CYRIB: variants seen among roughly 807,000 people sequenced by gnomAD.
CYRIB encodes CYFIP-related Rac1 interactor B.
Under a neutral mutation model 44.2 loss-of-function variants are expected in CYRIB, and 8 were observed. The observed-to-expected ratio is 0.18, with a 90% CI of 0.11 to 0.33. The LOEUF (loss-of-function observed/expected upper bound fraction) is 0.33, where lower values mean the gene tolerates loss of function less well. CYRIB is among the 10% of genes least tolerant of loss of function. CYRIB has a pLI of 1.00. For synonymous variants in CYRIB, 131 were observed against 127.2 expected, an observed-to-expected ratio of 1.03 and a Z score of -0.20; for missense variants, 185 against 382.8, an observed-to-expected ratio of 0.48 and a Z score of 4.31.
chr8:129,933,581 G>C (rs912331208), intron 1 of CYRIB, among the ~76,000 whole-genome samples: 3 of 152,118 alleles, frequency 2.0e-5, no homozygotes, highest in Non-Finnish European at 4.4e-5. Context: ...ATAATGTATA[G>C]TAAGAACTGA....
rs183617499 is a variant in CYRIB at position 129,892,569 on chromosome 8, A to T, written c.-11+10743T>A. On this transcript the variant is annotated intron_variant, in intron 2 of 11. Coordinates refer to ENST00000519824, the Ensembl canonical transcript of CYRIB. ...TAAATATATGCCAATAGTTTCAATG[A>T]TTACTTCTGGAAATATTTTATTTTA... Among the ~76,000 whole-genome samples the T allele has an allele frequency of 4.5e-4, 69 of 152,112 alleles. No individual in the cohort carries two copies. In the South Asian group the frequency reaches 9.9e-3, roughly 22 times the overall value.
At chr8:129,906,025 C>T (rs1037496132) in intron 1 of CYRIB, among the ~76,000 whole-genome samples, 15 of 152,006 alleles carry the variant, frequency 9.9e-5, no homozygotes, top group African/African-American at 3.4e-4. Context: ...GGCCATACTG[C>T]CCAAGGTAAT....
chr8:129,864,729 T>C (rs1042657183), intron 4 of CYRIB: 1 of 333,564 alleles, frequency 3.0e-6, no homozygotes, highest in Non-Finnish European at 5.8e-6. Context: ...GGTGGTAATC[T>C]GCTGAAGTTT....
At chr8:129,845,101 T>C (rs924246598) in intron 11 of CYRIB, among the ~76,000 whole-genome samples, 5 of 152,150 alleles carry the variant, frequency 3.3e-5, no homozygotes, top group African/African-American at 9.7e-5. Flanking sequence ...GTGGGAGACT[T>C]CAACCCTGTC....
chr8:130,006,031 G>A (rs183572519), intron 1 of CYRIB, among the ~76,000 whole-genome samples: 34 of 152,108 alleles, frequency 2.2e-4, no homozygotes, highest in Admixed American at 1.1e-3. Context: ...GGCTGGGCGC[G>A]GTAGCTCATG....
intron 8 of CYRIB, 179 bp from the exon 11 acceptor site, chr8:129,851,093 T>C (rs1315439504): frequency 5.2e-6 from 3 of 577,108 alleles, no homozygotes; most frequent in East Asian, 2.9e-5. Flanking sequence ...GATACAGCTA[T>C]GAGCAAGACA....
At position 129,872,539 on chromosome 8, in the gene CYRIB, A is replaced by C. The variant is rs114217330; in HGVS notation, c.74-1043T>G. Among the ~76,000 whole-genome samples the C allele has an allele frequency of 8.3e-3, 1,257 of 152,230 alleles. 20 individuals are homozygous for C. Among genetic ancestry groups the C allele is most frequent in the African/African-American group, 0.029 (1,212 of 41,574 alleles). ...GGAAAAAGGTGGACTCTAAGAGGAA[A>C]TGAAGGTTTCTTTACAAATCTTTCC... On this transcript the variant is annotated intron_variant, in intron 3 of 11. Transcript: ENST00000519824.
chr8:129,867,508 G>C (rs551532089), intron 4 of CYRIB, among the ~76,000 whole-genome samples: 1 of 151,552 alleles, frequency 6.6e-6, no homozygotes, highest in African/African-American at 2.4e-5. Flanking sequence ...TTTCCCTCTA[G>C]GTGGTTAATC....
chr8:129,873,462 T>C (rs905517784), intron 3 of CYRIB, among the ~76,000 whole-genome samples: 2 of 152,010 alleles, frequency 1.3e-5, no homozygotes, highest in African/African-American at 4.8e-5. Flanking sequence ...TTCATAACTT[T>C]TATACTTACA....
intron 1 of CYRIB, among the ~76,000 whole-genome samples, chr8:129,923,066 T>TAA (rs771693266): frequency 0.011 from 1,008 of 92,458 alleles, 13 homozygotes; most frequent in African/African-American, 0.037. Flanking sequence ...CCGTCTCTAC[T>TAA]AAAAAAAAAA....
upstream of CYRIB, among the ~76,000 whole-genome samples, chr8:129,943,630 G>C (rs1232553488): frequency 2.0e-5 from 2 of 101,928 alleles, no homozygotes; most frequent in Non-Finnish European, 3.6e-5. Flanking sequence ...CAGGAGTCTC[G>C]CTCTGTGGCC....
chr8:129,891,911 A>C (rs2065595292), intron 2 of CYRIB, among the ~76,000 whole-genome samples: 1 of 152,218 alleles, frequency 6.6e-6, no homozygotes, highest in South Asian at 2.1e-4. Context: ...GGATATAATA[A>C]ATTAGGAGAC....
intron 2 of CYRIB, among the ~76,000 whole-genome samples, chr8:129,954,114 G>A (rs2094653257): frequency 6.6e-6 from 1 of 152,160 alleles, no homozygotes; most frequent in Admixed American, 6.5e-5. Flanking sequence ...GTAATACACA[G>A]AAGAGGGCAA....
chr8:129,963,712 T>A (rs989963032), intron 2 of CYRIB, among the ~76,000 whole-genome samples: 3 of 152,222 alleles, frequency 2.0e-5, no homozygotes, highest in East Asian at 3.8e-4. Flanking sequence ...GCGATGATAC[T>A]TAAAGCTCTT....
chr8:129,889,713 G>A (rs1237309234), intron 2 of CYRIB, among the ~76,000 whole-genome samples: 1 of 152,140 alleles, frequency 6.6e-6, no homozygotes, highest in Non-Finnish European at 1.5e-5. Flanking sequence ...TTTAAGATGT[G>A]ACTGAATAGC....
chr8:129,960,962 A>AAAAG (rs567122078), intron 2 of CYRIB, among the ~76,000 whole-genome samples: 5,464 of 149,692 alleles, frequency 0.037, 139 homozygotes, highest in Middle Eastern at 0.059. Flanking sequence ...AAAAAAAAAA[A>AAAAG]AAAGAAAGAA....
intron 2 of CYRIB, among the ~76,000 whole-genome samples, chr8:129,888,435 T>C (rs1422903207): frequency 6.6e-6 from 1 of 152,144 alleles, no homozygotes; most frequent in Non-Finnish European, 1.5e-5. Context: ...TCCCACAAAA[T>C]CTTACACAAT....
chr8:129,881,964 A>G (rs2060953907), intron 2 of CYRIB, among the ~76,000 whole-genome samples: 1 of 152,246 alleles, frequency 6.6e-6, no homozygotes, highest in African/African-American at 2.4e-5. Flanking sequence ...TCTTCAATAG[A>G]TGTTGGAAGA....
intron 1 of CYRIB, among the ~76,000 whole-genome samples, chr8:130,002,738 T>C (rs1301202365): frequency 3.3e-5 from 5 of 152,224 alleles, no homozygotes; most frequent in Admixed American, 6.5e-5. Context: ...GGCTAAAGCA[T>C]AACTGGTTTA....
Sources: gnomAD v4.1 joint callset for allele counts (sites outside exome capture counted in the v4.1 genomes callset) on GRCh38, gnomAD v4.1.1 for gene constraint, MANE v1.5 for transcripts, NCBI Gene and HGNC (gene_info 2026-07-23, HGNC 2026-07-21) for gene names.